The following LIMCH1 variants were observed in gnomAD, a reference collection of about 807,000 sequenced individuals.
LIMCH1 encodes the protein LIM and calponin homology domains 1.
A neutral mutation model predicts 176.5 loss-of-function variants in LIMCH1; 113 were observed. That is an observed-to-expected ratio of 0.64 (90% confidence interval 0.55 to 0.75). The LOEUF is 0.75. LIMCH1 is among the 30% of genes least tolerant of loss of function. The pLI is 0.00. For synonymous variants in LIMCH1, 619 were observed against 645.9 expected, an observed-to-expected ratio of 0.96 and a Z score of 0.63; for missense variants, 1,674 against 1,814.9, an observed-to-expected ratio of 0.92 and a Z score of 1.41.
intron 1 of LIMCH1, among the ~76,000 whole-genome samples, chr4:41,591,480 G>A (rs1275117212): frequency 1.3e-5 from 2 of 152,140 alleles, no homozygotes; most frequent in East Asian, 3.9e-4. Flanking sequence ...CTGGCCTCAA[G>A]GGGTCCTCCT....
chr4:41,530,825 T>TAAAAAAAA (rs2077206043), intron 3 of LIMCH1, among the ~76,000 whole-genome samples: 1 of 125,532 alleles, frequency 8.0e-6, no homozygotes, highest in African/African-American at 3.3e-5. Context: ...AAAAATTTTT[T>TAAAAAAAA]TTTTTTTTTT....
intron 1 of LIMCH1, among the ~76,000 whole-genome samples, chr4:41,409,325 T>C (rs2059269883): frequency 6.6e-6 from 1 of 152,160 alleles, no homozygotes; most frequent in Admixed American, 6.6e-5. Flanking sequence ...CATTAGGAAA[T>C]ATTCAGCCAA....
At chr4:41,551,629 A>C (rs1382512474) in intron 1 of LIMCH1, among the ~76,000 whole-genome samples, 2 of 152,218 alleles carry the variant, frequency 1.3e-5, no homozygotes, top group African/African-American at 2.4e-5. Context: ...CTGTGGGATA[A>C]GAATAGTTTT....
In LIMCH1 at chr4:41,599,030, A is replaced by G; in HGVS notation, c.-134+4A>G. 6.4e-7 allele frequency: 1 copy of G among 1,560,228 alleles called. No homozygotes were observed. The highest frequency in any genetic ancestry group is 8.8e-7 in the Non-Finnish European group (1 of 1,132,100). ...CATCCAACAGAGTAACAGTCAAGTA[A>G]GTAAAGCGTGATTTATGTTTAAGGG... is the stretch of plus-strand genomic sequence containing the variant. On this transcript the variant is annotated splice_donor_region_variant and intron_variant, in intron 2 of 31. Coordinates refer to ENST00000503057, the MANE Select transcript of LIMCH1 (RefSeq NM_001330672.2).
At chr4:41,661,908 TA>T in intron 19 of LIMCH1, 1 of 401,190 alleles carries the variant, frequency 2.5e-6, no homozygotes, top group Admixed American at 3.4e-5. Flanking sequence ...CACATATAGT[TA>T]AAAATGAATA....
chr4:41,488,115 C>G (rs2070043812), intron 1 of LIMCH1, among the ~76,000 whole-genome samples: 1 of 152,138 alleles, frequency 6.6e-6, no homozygotes, highest in African/African-American at 2.4e-5. Flanking sequence ...ACCAGAGATT[C>G]TGAAATAAAT....
At chr4:41,387,731 A>G (rs1356361595) in intron 1 of LIMCH1, among the ~76,000 whole-genome samples, 2 of 152,230 alleles carry the variant, frequency 1.3e-5, no homozygotes, top group Admixed American at 1.3e-4. Context: ...TGCACCAAGG[A>G]AGGGCAGGTT....
At chr4:41,510,045 C>G (rs954599405) in intron 2 of LIMCH1, among the ~76,000 whole-genome samples, 3 of 152,148 alleles carry the variant, frequency 2.0e-5, no homozygotes, top group African/African-American at 4.8e-5. Flanking sequence ...CTTATATGAC[C>G]CAGACCCAGT....
intron 7 of LIMCH1, among the ~76,000 whole-genome samples, chr4:41,621,843 A>G (rs2092605357): frequency 6.6e-6 from 1 of 152,168 alleles, no homozygotes. Flanking sequence ...TGCTCTGACC[A>G]CAGCACCACA....
At chr4:41,377,541 C>T (rs2054953268) in intron 1 of LIMCH1, among the ~76,000 whole-genome samples, 1 of 152,186 alleles carries the variant, frequency 6.6e-6, no homozygotes, top group African/African-American at 2.4e-5. Flanking sequence ...AAGATGTGAA[C>T]ATTCTCCCTG....
intron 22 of LIMCH1, among the ~76,000 whole-genome samples, chr4:41,674,375 G>A (rs528329309): frequency 2.1e-4 from 32 of 152,344 alleles, no homozygotes; most frequent in African/African-American, 6.5e-4. Flanking sequence ...AAGACAAAGA[G>A]GGGCCATGCC....
chr4:41,389,692 T>A (rs1162698980), intron 1 of LIMCH1: 1 of 152,222 alleles, frequency 6.6e-6, no homozygotes, highest in African/African-American at 2.4e-5. Flanking sequence ...TGCCTGCTCA[T>A]CAGAATCTTT....
At chr4:41,536,115 A>C (rs2077914456), upstream of LIMCH1, among the ~76,000 whole-genome samples, 1 of 152,106 alleles carries the variant, frequency 6.6e-6, no homozygotes, top group African/African-American at 2.4e-5. Context: ...CTTTTTTTCC[A>C]TAGTTATAGC....
At chr4:41,398,777 A>T (rs1033724283) in intron 1 of LIMCH1, among the ~76,000 whole-genome samples, 16 of 151,922 alleles carry the variant, frequency 1.1e-4, no homozygotes, top group African/African-American at 3.6e-4. Flanking sequence ...AGTGTGAAAT[A>T]AATATTCTCT....
At chr4:41,490,723 C>T (rs1249285164) in intron 1 of LIMCH1, among the ~76,000 whole-genome samples, 1 of 152,186 alleles carries the variant, frequency 6.6e-6, no homozygotes, top group Non-Finnish European at 1.5e-5. Context: ...TTCTTTTCCC[C>T]ACATTTCCCC....
At chr4:41,566,455 G>A (rs1233202279) in intron 1 of LIMCH1, among the ~76,000 whole-genome samples, 2 of 152,144 alleles carry the variant, frequency 1.3e-5, no homozygotes, top group African/African-American at 2.4e-5. Context: ...ATGTGGGAAA[G>A]GCTTTGAATG....
chr4:41,364,342 T>G (rs1468711168), intron 1 of LIMCH1, among the ~76,000 whole-genome samples: 1 of 151,482 alleles, frequency 6.6e-6, no homozygotes, highest in Non-Finnish European at 1.5e-5. Context: ...ACTATTATCA[T>G]TATGATAATT....
At chr4:41,466,643 A>C (rs900583238) in intron 1 of LIMCH1, among the ~76,000 whole-genome samples, 3 of 152,158 alleles carry the variant, frequency 2.0e-5, no homozygotes, top group African/African-American at 7.2e-5. Context: ...GCTATCTCTA[A>C]ATAGCCAGAA....
intron 1 of LIMCH1, among the ~76,000 whole-genome samples, chr4:41,431,176 G>A (rs2061578542): frequency 6.6e-6 from 1 of 152,154 alleles, no homozygotes; most frequent in African/African-American, 2.4e-5. Flanking sequence ...GACATGAAAT[G>A]AAAAATGATT....
Sources: gnomAD v4.1 joint callset for allele counts (sites outside exome capture counted in the v4.1 genomes callset) on GRCh38, gnomAD v4.1.1 for gene constraint, MANE v1.5 for transcripts, NCBI Gene and HGNC (gene_info 2026-07-23, HGNC 2026-07-21) for gene names.